KCNAB1: variants seen among roughly 807,000 people sequenced by gnomAD.
The protein encoded by KCNAB1 is potassium voltage-gated channel subfamily A regulatory beta subunit 1.
In KCNAB1, 35 loss-of-function variants were observed where a neutral mutation model predicts 64.6. The ratio of observed to expected loss-of-function variants is 0.54; its 90% confidence interval spans 0.41 to 0.72. KCNAB1 has a LOEUF of 0.72. Among genes scored for constraint, KCNAB1 ranks in the 30% least tolerant of loss-of-function variants. The pLI is 0.00. For missense variants in KCNAB1, 401 were observed against 512.9 expected, an observed-to-expected ratio of 0.78 and a Z score of 2.11; for synonymous variants, 177 against 183.8, an observed-to-expected ratio of 0.96 and a Z score of 0.30.
At chr3:156,373,874 AATGGTCTG>A (rs1410405517) in intron 1 of KCNAB1, among the ~76,000 whole-genome samples, 2 of 152,348 alleles carry the variant, frequency 1.3e-5, no homozygotes, top group East Asian at 3.9e-4. Context: ...AGGGGATCAT[AATGGTCTG>A]ATCCATTCAG....
intron 1 of KCNAB1, among the ~76,000 whole-genome samples, chr3:156,158,191 T>TAAA (rs1715865536): frequency 9.1e-6 from 1 of 109,984 alleles, no homozygotes; most frequent in African/African-American, 2.9e-5. Flanking sequence ...AATAAATAAA[T>TAAA]AAATAAATAA....
chr3:156,288,202 A>G (rs1720201991), intron 1 of KCNAB1, among the ~76,000 whole-genome samples: 1 of 152,212 alleles, frequency 6.6e-6, no homozygotes, highest in Admixed American at 6.5e-5. Context: ...TATGGACACC[A>G]GTCACATTGG....
intron 12 of KCNAB1, among the ~76,000 whole-genome samples, chr3:156,527,309 TGAGTA>T (rs746366259): frequency 2.0e-5 from 3 of 152,116 alleles, no homozygotes; most frequent in African/African-American, 4.8e-5. Context: ...ACAAACTAGT[TGAGTA>T]AAGGGAAATT....
intron 1 of KCNAB1, chr3:156,291,149 C>T (rs1720380418): frequency 8.1e-6 from 8 of 985,560 alleles, no homozygotes; most frequent in African/African-American, 3.5e-5. Flanking sequence ...TGATCTTTGC[C>T]TTCCCATCGC....
intron 1 of KCNAB1, among the ~76,000 whole-genome samples, chr3:156,339,695 C>G (rs566795804): frequency 6.6e-6 from 1 of 152,170 alleles, no homozygotes. Flanking sequence ...TTGAGTTTCC[C>G]TGTAATAGTC....
At chr3:156,523,968 T>TGG in intron 12 of KCNAB1, 21 bp downstream of exon 12, 1 of 1,611,120 alleles carries the variant, frequency 6.2e-7, no homozygotes, top group Non-Finnish European at 8.5e-7. Context: ...TACTAAGCTA[T>TGG]GGGGTGGTAG....
Position 156,537,349 on chromosome 3 carries a change from T to C in KCNAB1, c.*602T>C, listed in dbSNP as rs1462077871. 5 of 287,072 alleles carry C rather than the reference T, an allele frequency of 1.7e-5. No homozygotes were observed. The South Asian group carries it at 6.6e-4, about 38-fold the overall frequency. 17.8% of individuals were successfully genotyped at this position (287,072 alleles called of 1,614,324 possible). On this transcript the variant is annotated 3_prime_UTR_variant, in exon 14 of 14. Coordinates refer to ENST00000490337, the MANE Select transcript of KCNAB1 (RefSeq NM_172160.3). Reference sequence around the variant, plus strand: ...TCACATTCATACTAACAAGTTTTGTTCCATTTGTTATTCAATAAAACAAAA... The same window carrying C: ...TCACATTCATACTAACAAGTTTTGTCCCATTTGTTATTCAATAAAACAAAA...
At chr3:156,268,824 G>T (rs1303277617) in intron 1 of KCNAB1, among the ~76,000 whole-genome samples, 3 of 151,966 alleles carry the variant, frequency 2.0e-5, no homozygotes, top group African/African-American at 7.3e-5. Flanking sequence ...CACTTTGTTG[G>T]CTGTTTACTC....
intron 1 of KCNAB1, among the ~76,000 whole-genome samples, chr3:156,288,321 A>C (rs1720208672): frequency 6.6e-6 from 1 of 152,182 alleles, no homozygotes; most frequent in Non-Finnish European, 1.5e-5. Flanking sequence ...TCAACACATG[A>C]ATTTGGAGGG....
At chr3:156,275,919 T>C (rs896293536) in intron 1 of KCNAB1, among the ~76,000 whole-genome samples, 2 of 152,190 alleles carry the variant, frequency 1.3e-5, no homozygotes, top group Non-Finnish European at 2.9e-5. Context: ...GACATCCTCC[T>C]ATAAATCACA....
intron 1 of KCNAB1, among the ~76,000 whole-genome samples, chr3:156,226,267 C>T (rs1716158028): frequency 1.3e-5 from 2 of 152,070 alleles, no homozygotes; most frequent in Non-Finnish European, 2.9e-5. Flanking sequence ...AAGCCAGATA[C>T]AGTCAACTGA....
At chr3:156,195,689 C>T (rs1713869958) in intron 1 of KCNAB1, among the ~76,000 whole-genome samples, 1 of 152,108 alleles carries the variant, frequency 6.6e-6, no homozygotes, top group Admixed American at 6.6e-5. Flanking sequence ...GGATATTAGC[C>T]TTTTGTCAGA....
chr3:156,139,406 T>C (rs1193233705), intron 1 of KCNAB1, among the ~76,000 whole-genome samples: 1 of 152,142 alleles, frequency 6.6e-6, no homozygotes, highest in African/African-American at 2.4e-5. Flanking sequence ...CTGGTTCACC[T>C]GTGATTCTTC....
chr3:156,509,718 A>T (rs1322373752), intron 8 of KCNAB1, among the ~76,000 whole-genome samples: 2 of 152,164 alleles, frequency 1.3e-5, no homozygotes, highest in Non-Finnish European at 2.9e-5. Flanking sequence ...AGGTTTAATC[A>T]CATTTGTCTG....
Position 156,537,478 on chromosome 3 carries a change from T to TATG in KCNAB1, c.*732_*734dup, listed in dbSNP as rs1415934716. The TATG allele has an allele frequency of 9.0e-5, 14 of 155,184 alleles. No individual in the cohort carries two copies. The highest frequency in any genetic ancestry group is 3.4e-4 in the African/African-American group (14 of 41,680). 9.6% of individuals were successfully genotyped at this position (155,184 alleles called of 1,614,324 possible). On this transcript the variant is annotated 3_prime_UTR_variant, in exon 14 of 14. Coordinates refer to ENST00000490337, the MANE Select transcript of KCNAB1 (RefSeq NM_172160.3). The stretch of plus-strand genomic sequence containing the variant: ...AGAATGTCTATTAGGATTCTAATGT[T>TATG]ATGTCCACTTACAAGTAGAGACAGT...
At position 156,169,299 on chromosome 3, in the gene KCNAB1, A is replaced by G. The variant is rs910620515; in HGVS notation, c.275+48413A>G. ...ATGCTGAAGACCTTAGGAAAATGGC[A>G]AAATAATGAGTTGAAATGCTTGAGC... On this transcript the variant is annotated intron_variant, in intron 1 of 13. Transcript: ENST00000490337. Among the ~76,000 whole-genome samples the G allele has an allele frequency of 3.3e-5, 5 of 152,204 alleles. No homozygotes were observed. The South Asian group carries it at 1.0e-3, about 32-fold the overall frequency.
At chr3:156,189,164 C>G (rs979448416) in intron 1 of KCNAB1, among the ~76,000 whole-genome samples, 20 of 152,210 alleles carry the variant, frequency 1.3e-4, no homozygotes, top group Non-Finnish European at 1.5e-5. Context: ...CTGTTTCTGA[C>G]TAGGAGCTGT....
chr3:156,244,188 G>C (rs2108453276), intron 1 of KCNAB1, among the ~76,000 whole-genome samples: 1 of 152,212 alleles, frequency 6.6e-6, no homozygotes, highest in Non-Finnish European at 1.5e-5. Flanking sequence ...GTGTCTCCTG[G>C]GAGCTTCAGG....
chr3:156,499,922 G>A (rs1335739270), intron 8 of KCNAB1, among the ~76,000 whole-genome samples: 1 of 152,124 alleles, frequency 6.6e-6, no homozygotes, highest in Non-Finnish European at 1.5e-5. Flanking sequence ...AGTAGAAATT[G>A]TTGCTTGTCT....
Sources: allele counts gnomAD v4.1 joint callset (sites outside exome capture counted in the v4.1 genomes callset), GRCh38; gene constraint gnomAD v4.1.1; transcripts MANE v1.5; gene names NCBI Gene and HGNC (gene_info 2026-07-23, HGNC 2026-07-21).